The following ARHGAP21 variants were observed in gnomAD, a reference collection of about 807,000 sequenced individuals.
ARHGAP21 encodes the protein rho GTPase-activating protein 21.
A neutral mutation model predicts 164.6 loss-of-function variants in ARHGAP21; 38 were observed. The ratio of observed to expected loss-of-function variants is 0.23; its 90% confidence interval spans 0.18 to 0.30. The LOEUF (loss-of-function observed/expected upper bound fraction) is 0.30. Ranked by LOEUF, ARHGAP21 falls within the 10% of genes least tolerant of loss-of-function variation. ARHGAP21 has a pLI of 1.00. For missense variants in ARHGAP21, 1,822 were observed against 2,370.7 expected (o/e 0.77, Z 4.81); for synonymous variants, 766 against 857.9 (o/e 0.89, Z 1.87).
intron 2 of ARHGAP21, 72 bp downstream of exon 2, chr10:24,721,765 A>AC: frequency 1.3e-6 from 2 of 1,569,138 alleles, no homozygotes; most frequent in Non-Finnish European, 1.7e-6. Flanking sequence ...GTGGCCGGTA[A>AC]CCCCCAACTT....
intron 5 of ARHGAP21, among the ~76,000 whole-genome samples, chr10:24,634,541 G>GT (rs1836180572): frequency 6.6e-6 from 1 of 152,152 alleles, no homozygotes; most frequent in African/African-American, 2.4e-5. Context: ...CACATATACT[G>GT]ACACCTTCAG....
chr10:24,684,670 ACT>A (rs1305827974), intron 2 of ARHGAP21, among the ~76,000 whole-genome samples: 1 of 152,030 alleles, frequency 6.6e-6, no homozygotes, highest in Admixed American at 6.6e-5. Context: ...ATAGGATCTT[ACT>A]CTCTCACCCA....
rs3184313 is a variant in ARHGAP21, at chr10:24,584,039, T to C, written c.*373A>G. Reference sequence around the variant, plus strand: ...AGTAAGTTATCTAATTTTAACAATATGGCACCCTAAAAACCAACTGTATTT... The same window carrying C: ...AGTAAGTTATCTAATTTTAACAATACGGCACCCTAAAAACCAACTGTATTT... On this transcript the variant is annotated 3_prime_UTR_variant, in exon 26 of 26. Transcript: ENST00000396432. The C allele has an allele frequency of 1.3e-5, 2 of 153,064 alleles. No individual in the cohort carries two copies. Among genetic ancestry groups the C allele is most frequent in the Non-Finnish European group, 2.9e-5 (2 of 68,374 alleles). The allele number at this position is 153,064 out of a possible 1,614,324, so 9.5% of individuals were successfully genotyped here.
At chr10:24,591,098 TA>T in intron 24 of ARHGAP21, 126 bp downstream of exon 24, 1 of 1,013,508 alleles carries the variant, frequency 9.9e-7, no homozygotes. Flanking sequence ...TAAGGTTTTT[TA>T]TTAGTAGAAA....
At chr10:24,597,176 A>G (rs934267156) in intron 16 of ARHGAP21, among the ~76,000 whole-genome samples, 20 of 151,742 alleles carry the variant, frequency 1.3e-4, no homozygotes, top group Admixed American at 6.6e-5. Context: ...TTTCAAAATG[A>G]TAGGACCTGA....
At chr10:24,718,678 G>C (rs1168042415) in intron 2 of ARHGAP21, among the ~76,000 whole-genome samples, 3 of 152,182 alleles carry the variant, frequency 2.0e-5, no homozygotes, top group Non-Finnish European at 2.9e-5. Context: ...CCAGAAAAAT[G>C]TCTTATTGTA....
chr10:24,656,169 G>C (rs1433256913), intron 4 of ARHGAP21, among the ~76,000 whole-genome samples: 1 of 141,344 alleles, frequency 7.1e-6, no homozygotes, highest in Non-Finnish European at 1.5e-5. Context: ...AGGTGGGGGG[G>C]GTCAGCCCCC....
In ARHGAP21 at chr10:24,600,578, T is replaced by C. The variant is rs1032728010; in HGVS notation, c.3132+68A>G. The C allele has an allele frequency of 2.0e-6, 3 of 1,509,944 alleles. No homozygotes were observed. In the Admixed American group the frequency reaches 6.3e-5, roughly 32 times the overall value. The allele number at this position is 1,509,944 out of a possible 1,614,324, so 93.5% of individuals were successfully genotyped here. On this transcript the variant is annotated intron_variant, in intron 14 of 25. Transcript: ENST00000396432. The stretch of plus-strand genomic sequence containing the variant: ...TTTTTATAAAAATGATATATCATAT[T>C]CCTTAGATCTTTGTAAGAAAGTGTT...
intron 23 of ARHGAP21, 97 bp from the exon 24 acceptor site, chr10:24,591,427 G>A: frequency 1.7e-6 from 2 of 1,192,846 alleles, no homozygotes; most frequent in Non-Finnish European, 2.4e-6. Flanking sequence ...ACTAAGTAAA[G>A]CACCTGTGCT....
intron 17 of ARHGAP21, 190 bp from the exon 18 acceptor site, chr10:24,596,233 CAAAGAGACTGAAAG>C (rs1462696230): frequency 1.0e-5 from 5 of 502,060 alleles, no homozygotes. Context: ...AAGAAGAGAA[CAAAGAGACTGAAAG>C]AAAGAGAGGG....
intron 9 of ARHGAP21, among the ~76,000 whole-genome samples, chr10:24,616,399 T>C (rs1184980408): frequency 6.6e-6 from 1 of 152,208 alleles, no homozygotes; most frequent in Non-Finnish European, 1.5e-5. Context: ...GTATAGGGAA[T>C]GGTCACCTCT....
chr10:24,662,568 C>T (rs1426612556), intron 4 of ARHGAP21, among the ~76,000 whole-genome samples: 1 of 152,180 alleles, frequency 6.6e-6, no homozygotes, highest in Non-Finnish European at 1.5e-5. Context: ...CCACCACTCT[C>T]CCAACCCACT....
chr10:24,589,129 G>C lies in ARHGAP21; in HGVS notation c.4182+142C>G, dbSNP rs377051090. 1.2e-5 allele frequency: 9 copies of C among 761,948 alleles called. No homozygotes were observed. In the African/African-American group the frequency reaches 1.6e-4, roughly 14 times the overall value. The allele number at this position is 761,948 out of a possible 1,614,324, so 47.2% of individuals were successfully genotyped here. ...TCTAGTATTCTTCTTATCATATATT[G>C]TTTTAGGAATTAATTTTTTGATTAT... is the stretch of plus-strand genomic sequence containing the variant. On this transcript the variant is annotated intron_variant, in intron 25 of 25. Coordinates refer to ENST00000396432, the MANE Select transcript of ARHGAP21 (RefSeq NM_020824.4).
chr10:24,702,584 T>C (rs919241126), intron 2 of ARHGAP21, among the ~76,000 whole-genome samples: 4 of 151,512 alleles, frequency 2.6e-5, no homozygotes, highest in African/African-American at 9.7e-5. Flanking sequence ...TTTTTTTTGG[T>C]TTTTTGTTTT....
intron 4 of ARHGAP21, among the ~76,000 whole-genome samples, chr10:24,642,432 G>A (rs1319074175): frequency 2.7e-5 from 4 of 149,724 alleles, no homozygotes; most frequent in South Asian, 2.1e-4. Flanking sequence ...GGAGAATGGC[G>A]TGAACCTGGG....
intron 7 of ARHGAP21, among the ~76,000 whole-genome samples, chr10:24,628,028 G>A (rs1432937211): frequency 6.6e-6 from 1 of 152,204 alleles, no homozygotes; most frequent in African/African-American, 2.4e-5. Flanking sequence ...ATTGCAAGGA[G>A]GAAGCCAGGT....
intron 2 of ARHGAP21, among the ~76,000 whole-genome samples, chr10:24,680,199 T>A (rs1451604251): frequency 6.6e-6 from 1 of 152,202 alleles, no homozygotes; most frequent in Non-Finnish European, 1.5e-5. Flanking sequence ...ATTTTCTCTA[T>A]GTTAAATTGT....
intron 2 of ARHGAP21, among the ~76,000 whole-genome samples, chr10:24,716,286 A>G (rs567973872): frequency 1.1e-4 from 17 of 152,362 alleles, no homozygotes; most frequent in African/African-American, 4.1e-4. Flanking sequence ...ATAGGGAGAT[A>G]AAGCAAGGAA....
intron 7 of ARHGAP21, among the ~76,000 whole-genome samples, chr10:24,625,060 G>T (rs1242404886): frequency 1.3e-5 from 1 of 78,128 alleles, no homozygotes; most frequent in African/African-American, 5.7e-5. Flanking sequence ...TGGGGGGGGG[G>T]GGGGAGGAGG....
Sources: allele counts gnomAD v4.1 joint callset (sites outside exome capture counted in the v4.1 genomes callset), GRCh38; gene constraint gnomAD v4.1.1; transcripts MANE v1.5; gene names NCBI Gene and HGNC (gene_info 2026-07-23, HGNC 2026-07-21).